ARHGAP24: variants seen among roughly 807,000 people sequenced by gnomAD.
The protein encoded by ARHGAP24 is rho GTPase-activating protein 24.
A neutral mutation model predicts 76.4 loss-of-function variants in ARHGAP24; 50 were observed. The observed-to-expected ratio is 0.65, with a 90% confidence interval of 0.52 to 0.83. The LOEUF is 0.83. ARHGAP24 is among the 40% of genes least tolerant of loss of function. ARHGAP24 has a pLI of 0.00. For missense variants in ARHGAP24, 930 were observed against 914.2 expected (o/e 1.02, Z -0.22); for synonymous variants, 345 against 323.3 (o/e 1.07, Z -0.72).
chr4:85,535,155 G>A (rs981270675), intron 1 of ARHGAP24, among the ~76,000 whole-genome samples: 1 of 151,918 alleles, frequency 6.6e-6, no homozygotes, highest in Non-Finnish European at 1.5e-5. Context: ...ATGCATTTTT[G>A]TACCCCTATT....
chr4:85,548,300 G>A (rs943372485), intron 1 of ARHGAP24, among the ~76,000 whole-genome samples: 3 of 152,152 alleles, frequency 2.0e-5, no homozygotes, highest in Admixed American at 6.5e-5. Context: ...TAGAAGTCAA[G>A]ATCTGGACAC....
At chr4:85,585,006 A>G (rs1385245241) in intron 2 of ARHGAP24, among the ~76,000 whole-genome samples, 1 of 152,156 alleles carries the variant, frequency 6.6e-6, no homozygotes, top group Non-Finnish European at 1.5e-5. Flanking sequence ...TGCAAGATGA[A>G]TTGTAGAGCT....
intron 3 of ARHGAP24, among the ~76,000 whole-genome samples, chr4:85,758,431 G>A (rs1295198926): frequency 1.3e-5 from 2 of 152,154 alleles, no homozygotes; most frequent in African/African-American, 4.8e-5. Context: ...ACAATAGATG[G>A]CAGGTAAGGA....
chr4:85,647,602 G>T (rs1721771972), intron 2 of ARHGAP24, among the ~76,000 whole-genome samples: 1 of 152,008 alleles, frequency 6.6e-6, no homozygotes, highest in South Asian at 2.1e-4. Flanking sequence ...TCACCTCAAA[G>T]AATAAATTAC....
At chr4:85,672,537 A>G (rs1409476360) in intron 2 of ARHGAP24, among the ~76,000 whole-genome samples, 1 of 152,148 alleles carries the variant, frequency 6.6e-6, no homozygotes, top group African/African-American at 2.4e-5. Context: ...TTGGCAGTTG[A>G]GTTAAGGCAG....
intron 3 of ARHGAP24, among the ~76,000 whole-genome samples, chr4:85,829,594 A>C (rs986177270): frequency 6.6e-6 from 1 of 152,244 alleles, no homozygotes; most frequent in African/African-American, 2.4e-5. Context: ...TGAGGTGTAC[A>C]AAGAATTGAT....
intron 1 of ARHGAP24, among the ~76,000 whole-genome samples, chr4:85,529,276 G>A (rs1725156002): frequency 6.6e-6 from 1 of 151,898 alleles, no homozygotes; most frequent in Non-Finnish European, 1.5e-5. Flanking sequence ...ATAATGTTGT[G>A]GCATGCTACT....
At chr4:85,593,738 C>A (rs1277791647) in intron 2 of ARHGAP24, among the ~76,000 whole-genome samples, 1 of 152,054 alleles carries the variant, frequency 6.6e-6, no homozygotes, top group African/African-American at 2.4e-5. Context: ...GTTCTCAACA[C>A]CTTTGTCAAA....
intron 3 of ARHGAP24, among the ~76,000 whole-genome samples, chr4:85,919,439 A>G (rs982298042): frequency 6.6e-6 from 1 of 152,192 alleles, no homozygotes; most frequent in African/African-American, 2.4e-5. Context: ...TTATATCTAC[A>G]TAATTGTTTA....
At chr4:85,995,711 T>G in intron 9 of ARHGAP24, 54 bp downstream of exon 9, 4 of 1,534,052 alleles carry the variant, frequency 2.6e-6, no homozygotes, top group Non-Finnish European at 3.6e-6. Context: ...AGCCTCCTAC[T>G]GTGGGACAGG....
Position 85,779,081 on chromosome 4 carries a change from C to T in ARHGAP24, c.268+57109C>T. The T allele has an allele frequency of 1.1e-5, 8 of 703,910 alleles. No individual in the cohort carries two copies. The South Asian group carries it at 5.1e-4, about 45-fold the overall frequency. The allele number at this position is 703,910 out of a possible 1,614,324, so 43.6% of individuals were successfully genotyped here. ...ACCTCTATTTTGAGAGAAAATATAC[C>T]CTTGAAAATATTTTAGCTTTTTAAC... On this transcript the variant is annotated intron_variant, in intron 3 of 9. Transcript: ENST00000395184.
chr4:85,719,299 A>C (rs536637550), intron 2 of ARHGAP24, among the ~76,000 whole-genome samples: 18 of 152,284 alleles, frequency 1.2e-4, no homozygotes, highest in Middle Eastern at 3.4e-3. Context: ...AAAACTAGAT[A>C]TGATAAAAAG....
At chr4:85,499,744 T>G (rs1249454184) in intron 1 of ARHGAP24, among the ~76,000 whole-genome samples, 1 of 152,176 alleles carries the variant, frequency 6.6e-6, no homozygotes, top group Non-Finnish European at 1.5e-5. Flanking sequence ...GAAATCTCTA[T>G]AGAGACTCAT....
At chr4:85,634,524 C>T (rs916067043) in intron 2 of ARHGAP24, among the ~76,000 whole-genome samples, 5 of 151,866 alleles carry the variant, frequency 3.3e-5, no homozygotes, top group Admixed American at 2.0e-4. Context: ...GTTTCTTCCA[C>T]TCTTGCATTC....
At chr4:85,916,062 C>T (rs1209676800) in intron 3 of ARHGAP24, among the ~76,000 whole-genome samples, 1 of 152,206 alleles carries the variant, frequency 6.6e-6, no homozygotes, top group Non-Finnish European at 1.5e-5. Context: ...TCCTATTTCT[C>T]TACATCCTCT....
At chr4:85,961,797 C>T (rs547173484) in intron 5 of ARHGAP24, among the ~76,000 whole-genome samples, 2 of 152,154 alleles carry the variant, frequency 1.3e-5, no homozygotes, top group Admixed American at 1.3e-4. Flanking sequence ...TGCATACACA[C>T]ACACACATAT....
intron 2 of ARHGAP24, among the ~76,000 whole-genome samples, chr4:85,691,574 C>T (rs1723662883): frequency 6.6e-6 from 1 of 152,098 alleles, no homozygotes; most frequent in African/African-American, 2.4e-5. Context: ...TTGGATTGTA[C>T]CTTTTATCAT....
intron 5 of ARHGAP24, among the ~76,000 whole-genome samples, chr4:85,969,173 C>T (rs1052904602): frequency 2.6e-5 from 4 of 152,084 alleles, no homozygotes; most frequent in South Asian, 2.1e-4. Context: ...TTTGCAATCT[C>T]GCCATCTAGT....
chr4:85,688,895 C>G (rs147764955), intron 2 of ARHGAP24, among the ~76,000 whole-genome samples: 55 of 152,120 alleles, frequency 3.6e-4, no homozygotes, highest in African/African-American at 1.3e-3. Flanking sequence ...CTATGCTGTT[C>G]CATTGGTCTG....
Sources: allele counts gnomAD v4.1 joint callset (sites outside exome capture counted in the v4.1 genomes callset), GRCh38; gene constraint gnomAD v4.1.1; transcripts MANE v1.5; gene names NCBI Gene and HGNC (gene_info 2026-07-23, HGNC 2026-07-21).